The following CHIC2 variants were observed in gnomAD, a reference collection of about 807,000 sequenced individuals.
The protein encoded by CHIC2 is cysteine rich hydrophobic domain 2.
CHIC2 carries 14 observed loss-of-function variants against 25.9 expected under a neutral mutation model. That is an observed-to-expected ratio of 0.54 (90% confidence interval 0.36 to 0.85). The LOEUF (loss-of-function observed/expected upper bound fraction) is 0.85, where lower values mean the gene tolerates loss of function less well. Ranked by LOEUF, CHIC2 falls within the 40% of genes least tolerant of loss-of-function variation. CHIC2 has a pLI of 0.01. For synonymous variants in CHIC2, 70 were observed against 72.0 expected, an observed-to-expected ratio of 0.97 and a Z score of 0.14; for missense variants, 146 against 202.0, an observed-to-expected ratio of 0.72 and a Z score of 1.68.
At chr4:54,042,506 G>C (rs1383816031) in intron 3 of CHIC2, among the ~76,000 whole-genome samples, 2 of 152,030 alleles carry the variant, frequency 1.3e-5, no homozygotes, top group Non-Finnish European at 2.9e-5. Flanking sequence ...TTAAAAAAAG[G>C]GTATCAAAAC....
chr4:54,053,054 T>C lies in CHIC2; in HGVS notation c.120-3749A>G, dbSNP rs189319991. 3.0e-4 allele frequency among the ~76,000 whole-genome samples: 46 copies of C among 152,284 alleles called. No individual in the cohort carries two copies. In the East Asian group the frequency reaches 6.8e-3, roughly 22 times the overall value. On this transcript the variant is annotated intron_variant, in intron 1 of 5. Coordinates refer to ENST00000263921, the MANE Select transcript of CHIC2 (RefSeq NM_012110.4). ...GCAAACTAAAAACACAGAAATACCA[T>C]TGAACATAAACTTATTTACCTTCCC...
At chr4:54,042,796 T>C (rs945405759) in intron 3 of CHIC2, among the ~76,000 whole-genome samples, 4 of 152,194 alleles carry the variant, frequency 2.6e-5, no homozygotes, top group Non-Finnish European at 5.9e-5. Flanking sequence ...AAAGGAATAT[T>C]AGAAATATTG....
At chr4:54,025,809 C>T (rs555186617) in intron 3 of CHIC2, among the ~76,000 whole-genome samples, 24 of 147,660 alleles carry the variant, frequency 1.6e-4, no homozygotes, top group Non-Finnish European at 2.7e-4. Context: ...CTGCAGTGAA[C>T]GTGTCACTGC....
intron 1 of CHIC2, among the ~76,000 whole-genome samples, chr4:54,058,725 T>G (rs1384496858): frequency 6.6e-6 from 1 of 152,162 alleles, no homozygotes; most frequent in African/African-American, 2.4e-5. Flanking sequence ...CAGACACAGC[T>G]ATTAGAGATT....
intron 3 of CHIC2, among the ~76,000 whole-genome samples, chr4:54,047,874 A>C (rs1047873683): frequency 6.6e-6 from 1 of 151,962 alleles, no homozygotes; most frequent in Non-Finnish European, 1.5e-5. Flanking sequence ...ATTTAAAAAA[A>C]TTTTTTTAAA....
intron 3 of CHIC2, among the ~76,000 whole-genome samples, chr4:54,024,316 C>T (rs2110066251): frequency 6.6e-6 from 1 of 152,298 alleles, no homozygotes; most frequent in South Asian, 2.1e-4. Context: ...CAATCCACCA[C>T]TCTTGCCTCC....
At chr4:54,018,813 G>C (rs114364064) in intron 3 of CHIC2, among the ~76,000 whole-genome samples, 2,530 of 152,052 alleles carry the variant, frequency 0.017, 71 homozygotes, top group African/African-American at 0.054. Flanking sequence ...TAATTAAAAT[G>C]TATTTGAATT....
chr4:54,049,597 A>G (rs1317202894), intron 1 of CHIC2, among the ~76,000 whole-genome samples: 3 of 152,230 alleles, frequency 2.0e-5, no homozygotes, highest in Admixed American at 6.5e-5. Context: ...TACCAACTTT[A>G]TATCTTAAAA....
chr4:54,032,850 G>A (rs1716276484), intron 3 of CHIC2, among the ~76,000 whole-genome samples: 1 of 152,198 alleles, frequency 6.6e-6, no homozygotes, highest in Admixed American at 6.5e-5. Flanking sequence ...TTAAAGAGCT[G>A]GGGTATGTGT....
intron 1 of CHIC2, among the ~76,000 whole-genome samples, chr4:54,050,662 C>T (rs1344107394): frequency 6.6e-6 from 1 of 152,062 alleles, no homozygotes; most frequent in Non-Finnish European, 1.5e-5. Context: ...CAAAAACTTA[C>T]CACTGTGTTA....
chr4:54,047,126 G>A lies in CHIC2; in HGVS notation c.330+1829C>T, dbSNP rs374903930. Among the ~76,000 whole-genome samples the A allele has an allele frequency of 1.1e-4, 17 of 152,226 alleles. 1 individual carries two copies. Among genetic ancestry groups the A allele is most frequent in the South Asian group, 6.2e-4 (3 of 4,822 alleles). On this transcript the variant is annotated intron_variant, in intron 3 of 5. Transcript: ENST00000263921. ...ACCATCTCACACCAGTTAGAATGGC[G>A]ATCATTAAAAAGTCAGGAAACAACA...
chr4:54,034,665 A>G (rs1255035367), intron 3 of CHIC2, among the ~76,000 whole-genome samples: 1 of 152,112 alleles, frequency 6.6e-6, no homozygotes, highest in African/African-American at 2.4e-5. Flanking sequence ...TAAAGATTCT[A>G]TTGAATTTTC....
At chr4:54,076,676 CTG>C in the CHIC2 span, 7 of 152,212 alleles carry the variant, frequency 4.6e-5, no homozygotes, top group African/African-American at 1.7e-4. Flanking sequence ...GGCCAGGTGT[CTG>C]TGATTTCATA....
intron 3 of CHIC2, among the ~76,000 whole-genome samples, chr4:54,030,917 A>C (rs2110071018): frequency 6.7e-6 from 1 of 149,734 alleles, no homozygotes; most frequent in Admixed American, 6.6e-5. Flanking sequence ...ACTGTCGTCT[A>C]GGCTGGAGTG....
In CHIC2 at chr4:54,010,072, A is replaced by G; in HGVS notation, c.*23T>C. 6.4e-7 allele frequency: 1 copy of G among 1,553,174 alleles called. No individual in the cohort carries two copies. The highest frequency in any genetic ancestry group is 8.9e-7 in the Non-Finnish European group (1 of 1,127,674). On this transcript the variant is annotated 3_prime_UTR_variant, in exon 6 of 6. Transcript: ENST00000263921. ...CATTGGAAAGACAACATACTTGGAA[A>G]GTCTCTATAAATAAAGTAAATGCTA... is the stretch of plus-strand genomic sequence containing the variant.
chr4:54,051,665 G>C (rs1717011838), intron 1 of CHIC2, among the ~76,000 whole-genome samples: 1 of 152,012 alleles, frequency 6.6e-6, no homozygotes, highest in Admixed American at 6.6e-5. Flanking sequence ...ATGGAGGAAA[G>C]CTTCCAAAAA....
At chr4:54,078,883 AT>A in the CHIC2 span, among the ~76,000 whole-genome samples, 2 of 152,108 alleles carry the variant, frequency 1.3e-5, no homozygotes, top group Non-Finnish European at 2.9e-5. Context: ...AATCTTTGAA[AT>A]TTTACTATAT....
At chr4:54,030,536 A>AT (rs1239796458) in intron 3 of CHIC2, among the ~76,000 whole-genome samples, 212 of 130,156 alleles carry the variant, frequency 1.6e-3, no homozygotes, top group African/African-American at 5.7e-3. Context: ...AAAAAAAAAA[A>AT]AATATATATA....
At chr4:54,077,460 C>A in the CHIC2 span, among the ~76,000 whole-genome samples, 12 of 152,180 alleles carry the variant, frequency 7.9e-5, no homozygotes, top group African/African-American at 2.9e-4. Flanking sequence ...TTCATTCAGA[C>A]TTACATGGCT....
Sources: allele counts gnomAD v4.1 joint callset (sites outside exome capture counted in the v4.1 genomes callset), GRCh38; gene constraint gnomAD v4.1.1; transcripts MANE v1.5; gene names NCBI Gene and HGNC (gene_info 2026-07-23, HGNC 2026-07-21).